AHCTF1: variants seen among roughly 807,000 people sequenced by gnomAD.
AHCTF1 encodes the protein AT-hook containing transcription factor 1, also known as protein ELYS.
A neutral mutation model predicts 248.4 loss-of-function variants in AHCTF1; 24 were observed. The observed-to-expected ratio is 0.10, with a 90% CI of 0.07 to 0.14. The LOEUF (loss-of-function observed/expected upper bound fraction) is 0.14, where lower values mean the gene tolerates loss of function less well. AHCTF1 is among the 10% of genes least tolerant of loss of function. The probability of loss-of-function intolerance (pLI) is 1.00; values close to 1 mark genes in which losing one functional copy is unlikely to be tolerated. For missense variants in AHCTF1, 2,206 were observed against 2,636.2 expected, an observed-to-expected ratio of 0.84 and a Z score of 3.57; for synonymous variants, 786 against 929.8, an observed-to-expected ratio of 0.85 and a Z score of 2.81.
chr1:246,849,060 AC>A (rs2103039079), intron 33 of AHCTF1, among the ~76,000 whole-genome samples: 1 of 152,300 alleles, frequency 6.6e-6, no homozygotes, highest in East Asian at 1.9e-4. Context: ...GGGAGAGATC[AC>A]CCCTGTTGAG....
At chr1:246,917,470 T>A (rs1370330520) in intron 2 of AHCTF1, among the ~76,000 whole-genome samples, 1 of 152,180 alleles carries the variant, frequency 6.6e-6, no homozygotes, top group African/African-American at 2.4e-5. Flanking sequence ...GGTTCCAAGA[T>A]CCTTTCTGCC....
chr1:246,876,113 A>C lies in AHCTF1; in HGVS notation c.3012T>G (p.Leu1004=). ...NSILDQYGKI[L]PRVHRKLAIE... is the part of the protein sequence containing the mutation. ...TGGCTAATTTTCGATGGACTCTAGG[A>C]AGGATTTTTCCATACTGGTCTAATA... The change falls in exon 24 of 36, where the codon CTT becomes CTG. Residue 1004 remains leucine (L), a synonymous_variant. Coordinates refer to ENST00000648844, the MANE Select transcript of AHCTF1 (RefSeq NM_001323342.2). 1 of 1,609,818 alleles carries C rather than the reference A, an allele frequency of 6.2e-7. No homozygotes were observed. The highest frequency in any genetic ancestry group is 8.5e-7 in the Non-Finnish European group (1 of 1,178,524).
At chr1:246,918,916 T>G (rs935296939) in intron 1 of AHCTF1, among the ~76,000 whole-genome samples, 2 of 152,166 alleles carry the variant, frequency 1.3e-5, no homozygotes, top group Admixed American at 6.5e-5. Flanking sequence ...TTTAGAAAAA[T>G]CACTTCTTCA....
intron 33 of AHCTF1, among the ~76,000 whole-genome samples, chr1:246,848,273 G>A (rs1660434071): frequency 6.6e-6 from 1 of 151,946 alleles, no homozygotes; most frequent in South Asian, 2.1e-4. Flanking sequence ...GAATACAGTG[G>A]CACAATCTTG....
chr1:246,875,578 T>C (rs114177404), intron 24 of AHCTF1, among the ~76,000 whole-genome samples: 4 of 152,164 alleles, frequency 2.6e-5, no homozygotes, highest in East Asian at 1.9e-4. Context: ...GAAGAGTAAA[T>C]TGACATGGCC....
rs551497296 is a variant in AHCTF1, at chr1:246,912,550, T to G, written c.556+682A>C. On this transcript the variant is annotated intron_variant, in intron 4 of 35. Coordinates refer to ENST00000648844, the MANE Select transcript of AHCTF1 (RefSeq NM_001323342.2). Reference sequence around the variant, plus strand: ...GTCAAAATTTTTTCGGGTCAAATACTCCTTTTCTAAAAATTAAGAGTAAAA... The same window carrying G: ...GTCAAAATTTTTTCGGGTCAAATACGCCTTTTCTAAAAATTAAGAGTAAAA... Among the ~76,000 whole-genome samples, 36 of 151,758 alleles carry G rather than the reference T, an allele frequency of 2.4e-4. 2 individuals are homozygous for G. In the South Asian group the frequency reaches 7.3e-3, roughly 31 times the overall value.
chr1:246,842,113 G>A (rs931486229), intron 35 of AHCTF1, among the ~76,000 whole-genome samples: 5 of 151,982 alleles, frequency 3.3e-5, no homozygotes, highest in African/African-American at 1.2e-4. Context: ...CTTTTAAAAG[G>A]ACTGGGCTTT....
intron 21 of AHCTF1, among the ~76,000 whole-genome samples, chr1:246,882,446 T>C (rs982904883): frequency 5.9e-5 from 9 of 152,032 alleles, no homozygotes; most frequent in Non-Finnish European, 1.0e-4. Context: ...AAATCATAGA[T>C]AGGGAAAATA....
At chr1:246,924,465 G>T (rs921992217) in intron 1 of AHCTF1, among the ~76,000 whole-genome samples, 2 of 151,460 alleles carry the variant, frequency 1.3e-5, no homozygotes, top group East Asian at 1.9e-4. Context: ...AATAATTAAA[G>T]AATTTTAAAA....
At chr1:246,853,835 T>C (rs748273425) in intron 31 of AHCTF1, among the ~76,000 whole-genome samples, 1 of 149,570 alleles carries the variant, frequency 6.7e-6, no homozygotes, top group Non-Finnish European at 1.5e-5. Flanking sequence ...AAAATATTTC[T>C]ACACTTTCAA....
intron 9 of AHCTF1, 30 bp downstream of exon 9, chr1:246,900,307 G>C: frequency 6.3e-7 from 1 of 1,581,452 alleles, no homozygotes; most frequent in Middle Eastern, 1.7e-4. Context: ...AATACAAAGA[G>C]AAAGGAGAGA....
chr1:246,910,895 C>T (rs548241470), intron 4 of AHCTF1, among the ~76,000 whole-genome samples: 29 of 152,246 alleles, frequency 1.9e-4, no homozygotes, highest in African/African-American at 6.0e-4. Context: ...TATAAGAAAC[C>T]GGTTAAGTCT....
At chr1:246,896,519 A>G (rs1664584042) in intron 12 of AHCTF1, among the ~76,000 whole-genome samples, 1 of 152,198 alleles carries the variant, frequency 6.6e-6, no homozygotes, top group Non-Finnish European at 1.5e-5. Context: ...TAAAGACAGG[A>G]AAGTAGATTA....
At chr1:246,931,189 G>A (rs2103270870) in intron 1 of AHCTF1, 2 of 1,550,226 alleles carry the variant, frequency 1.3e-6, no homozygotes, top group Admixed American at 2.0e-5. Flanking sequence ...CAGCACGCCG[G>A]CCGCTTCCCT....
chr1:246,908,203 G>A (rs954273954), intron 4 of AHCTF1, among the ~76,000 whole-genome samples: 7 of 151,356 alleles, frequency 4.6e-5, no homozygotes, highest in Non-Finnish European at 1.0e-4. Flanking sequence ...AGATGAAAGG[G>A]AATGTATCAG....
chr1:246,928,297 C>T (rs1266153563), intron 1 of AHCTF1, among the ~76,000 whole-genome samples: 5 of 123,082 alleles, frequency 4.1e-5, no homozygotes, highest in African/African-American at 6.7e-5. Flanking sequence ...AGCGAGACTC[C>T]GTCTCAAAAA....
intron 14 of AHCTF1, among the ~76,000 whole-genome samples, chr1:246,894,179 G>C (rs543680568): frequency 6.6e-6 from 1 of 152,118 alleles, no homozygotes; most frequent in African/African-American, 2.4e-5. Context: ...ACTCCTGCCT[G>C]GGCAAAAAGT....
chr1:246,869,738 T>C (rs1662431264), intron 24 of AHCTF1, among the ~76,000 whole-genome samples: 1 of 152,086 alleles, frequency 6.6e-6, no homozygotes, highest in Admixed American at 6.5e-5. Context: ...TTTTCAAATA[T>C]TACTGCTCAC....
chr1:246,896,019 T>C, intron 12 of AHCTF1, 94 bp from the exon 13 acceptor site: 5 of 976,950 alleles, frequency 5.1e-6, no homozygotes, highest in Non-Finnish European at 7.8e-6. Flanking sequence ...ATTTTAAGGC[T>C]AAAAAAATCA....
Sources: allele counts gnomAD v4.1 joint callset (sites outside exome capture counted in the v4.1 genomes callset), GRCh38; gene constraint gnomAD v4.1.1; transcripts MANE v1.5; gene names NCBI Gene and HGNC (gene_info 2026-07-23, HGNC 2026-07-21).